The following UNC119B variants were observed in gnomAD, a reference collection of about 807,000 sequenced individuals.
UNC119B encodes the protein unc-119 lipid binding chaperone B, also known as protein unc-119 homolog B.
A neutral mutation model predicts 23.4 loss-of-function variants in UNC119B; 16 were observed. The observed-to-expected ratio is 0.68, with a 90% CI of 0.46 to 1.04. The LOEUF (loss-of-function observed/expected upper bound fraction) is 1.04, where lower values mean the gene tolerates loss of function less well. Among genes scored for constraint, UNC119B ranks in the 50% least tolerant of loss-of-function variants. UNC119B has a pLI of 0.00. For synonymous variants in UNC119B, 144 were observed against 145.4 expected, an observed-to-expected ratio of 0.99 and a Z score of 0.07; for missense variants, 350 against 361.3, an observed-to-expected ratio of 0.97 and a Z score of 0.25.
At chr12:120,715,018 A>G (rs965462460) in intron 2 of UNC119B, among the ~76,000 whole-genome samples, 2 of 152,042 alleles carry the variant, frequency 1.3e-5, no homozygotes, top group Non-Finnish European at 2.9e-5. Flanking sequence ...GCAAAACCCC[A>G]TCTGTACAAA....
In UNC119B at chr12:120,712,243, C is replaced by T. The variant is rs150974758; in HGVS notation, c.245-1031C>T. On this transcript the variant is annotated intron_variant, in intron 1 of 4. Transcript: ENST00000344651. ...TTCTTAACGTCTCGTTCATTCTATC[C>T]AGCAGATTATTTGAGTACCCTCTAA... 2.3e-4 allele frequency among the ~76,000 whole-genome samples: 35 copies of T among 152,326 alleles called. No homozygotes were observed. The East Asian group carries it at 6.7e-3, about 29-fold the overall frequency.
Position 120,720,217 on chromosome 12 carries a change from T to C in UNC119B, c.*185T>C, listed in dbSNP as rs1393494729. Reference sequence around the variant, plus strand: ...CAGTGCTGTGTTTTCTTCCCCAGTATTTTTTCTTCCCTTTTTTTCCTGCCC... The same window carrying C: ...CAGTGCTGTGTTTTCTTCCCCAGTACTTTTTCTTCCCTTTTTTTCCTGCCC... On this transcript the variant is annotated 3_prime_UTR_variant, in exon 5 of 5. Transcript: ENST00000344651. 5.2e-6 allele frequency: 3 copies of C among 577,430 alleles called. No homozygotes were observed. The highest frequency in any genetic ancestry group is 9.2e-6 in the Non-Finnish European group (3 of 327,658). The allele number at this position is 577,430 out of a possible 1,614,324, so 35.8% of individuals were successfully genotyped here.
intron 1 of UNC119B, chr12:120,711,798 G>T (rs567278072): frequency 1.3e-5 from 2 of 152,224 alleles, no homozygotes; most frequent in African/African-American, 4.8e-5. Flanking sequence ...TGGAAATTTG[G>T]GGGGAGTAGG....
intron 4 of UNC119B, 92 bp downstream of exon 4, chr12:120,717,134 T>C: frequency 7.5e-7 from 1 of 1,330,146 alleles, no homozygotes; most frequent in Non-Finnish European, 1.0e-6. Context: ...CCTGGCATTG[T>C]CTCGTGGCAG....
intron 4 of UNC119B, among the ~76,000 whole-genome samples, chr12:120,717,823 A>G (rs1882813389): frequency 6.7e-6 from 1 of 149,980 alleles, no homozygotes; most frequent in South Asian, 2.1e-4. Context: ...CATCCTCCCA[A>G]AGTACTGGGG....
chr12:120,710,734 G>A lies in UNC119B; in HGVS notation c.244+16G>A, dbSNP rs1300209324. 4 of 1,343,790 alleles carry A rather than the reference G, an allele frequency of 3.0e-6. No individual in the cohort carries two copies. Among genetic ancestry groups the A allele is most frequent in the South Asian group, 3.6e-5 (2 of 55,112 alleles). 83.2% of individuals were successfully genotyped at this position (1,343,790 alleles called of 1,614,324 possible). A position where few individuals can be genotyped will look rare whatever the true frequency, so the allele number is the denominator to read the frequency against. ...GTCACCGAGAGTGAGTGCCGCGCGG[G>A]CCGCGCCCTCCCCTCGCGCCGTGCC... is the stretch of plus-strand genomic sequence containing the variant. On this transcript the variant is annotated intron_variant, in intron 1 of 4. Coordinates refer to ENST00000344651, the MANE Select transcript of UNC119B (RefSeq NM_001080533.3).
At chr12:120,710,967 G>C in intron 1 of UNC119B, 1 of 323,918 alleles carries the variant, frequency 3.1e-6, no homozygotes, top group Non-Finnish European at 5.5e-6. Flanking sequence ...CCTTCGGCCG[G>C]TCGGCTCCCC....
At position 120,713,321 on chromosome 12, in the gene UNC119B, C is replaced by T. The variant is rs1022274401; in HGVS notation, c.292C>T (p.Arg98Cys). ...EDNIYSIDFTRFKIRDLETGT... is the reference protein window; with the variant it reads ...EDNIYSIDFTCFKIRDLETGT... ...CAACATCTACAGTATTGATTTCACCCGCTTCAAAATTCGAGATTTGGAGAC... is the reference window on the plus strand; with the variant it reads ...CAACATCTACAGTATTGATTTCACCTGCTTCAAAATTCGAGATTTGGAGAC... Residue 98 changes from arginine (R) to cysteine (C), a missense_variant, in exon 2 of 5, where the codon CGC (arginine) becomes TGC (cysteine). Transcript: ENST00000344651. 7 of 1,613,944 alleles carry T rather than the reference C, an allele frequency of 4.3e-6. No individual in the cohort carries two copies. Among genetic ancestry groups the T allele is most frequent in the African/African-American group, 1.3e-5 (1 of 74,930 alleles).
chr12:120,720,217 T>G lies in UNC119B; in HGVS notation c.*185T>G. On this transcript the variant is annotated 3_prime_UTR_variant, in exon 5 of 5. Transcript: ENST00000344651. ...CAGTGCTGTGTTTTCTTCCCCAGTA[T>G]TTTTTCTTCCCTTTTTTTCCTGCCC... 1.7e-6 allele frequency: 1 copy of G among 577,548 alleles called. No homozygotes were observed. The highest frequency in any genetic ancestry group is 2.2e-5 in the South Asian group (1 of 45,834). The allele number at this position is 577,548 out of a possible 1,614,324, so 35.8% of individuals were successfully genotyped here. A position where few individuals can be genotyped will look rare whatever the true frequency, so the allele number is the denominator to read the frequency against.
chr12:120,718,806 A>C (rs1026471450), intron 4 of UNC119B, among the ~76,000 whole-genome samples: 2 of 152,182 alleles, frequency 1.3e-5, no homozygotes, highest in African/African-American at 4.8e-5. Flanking sequence ...GTCCTTAAGA[A>C]TTGTCATATT....
In UNC119B at chr12:120,716,751, T is replaced by C. The variant is rs1343291216; in HGVS notation, c.470+12T>C. ...ACAGTCGGGGCTACGTGAGTACCATTACTACCTGAGGGGAGAACATTCTGT... is the reference window on the plus strand; with the variant it reads ...ACAGTCGGGGCTACGTGAGTACCATCACTACCTGAGGGGAGAACATTCTGT... On this transcript the variant is annotated intron_variant, in intron 3 of 4. Transcript: ENST00000344651. 5 of 1,613,086 alleles carry C rather than the reference T, an allele frequency of 3.1e-6. No individual in the cohort carries two copies. In the South Asian group the frequency reaches 4.4e-5, roughly 14 times the overall value.
chr12:120,715,916 C>T (rs1882771302), intron 2 of UNC119B, among the ~76,000 whole-genome samples: 1 of 152,188 alleles, frequency 6.6e-6, no homozygotes, highest in Admixed American at 6.5e-5. Flanking sequence ...GTAGAGGCCA[C>T]CACATCTGCT....
At position 120,719,999 on chromosome 12, in the gene UNC119B, C is replaced by T; in HGVS notation, c.723C>T (p.Asn241=). Residue 241 remains asparagine (N), a synonymous_variant, in exon 5 of 5, where the codon AAC becomes AAT. Coordinates refer to ENST00000344651, the MANE Select transcript of UNC119B (RefSeq NM_001080533.3). ...TTGACAACAAGCTGATAATGCACAA[C>T]AAGGCTGATTATGCCTATAATGGAG... is the stretch of plus-strand genomic sequence containing the variant. The part of the protein sequence containing the change: ...YFVDNKLIMH[N]KADYAYNGGQ 2 of 1,614,154 alleles carry T rather than the reference C, an allele frequency of 1.2e-6. No homozygotes were observed. The highest frequency in any genetic ancestry group is 1.1e-5 in the South Asian group (1 of 91,076).
At position 120,711,024 on chromosome 12, in the gene UNC119B, G is replaced by A. The variant is rs542862925; in HGVS notation, c.244+306G>A. The A allele has an allele frequency of 3.2e-4, 77 of 242,624 alleles. No individual in the cohort carries two copies. The Middle Eastern group carries it at 7.3e-3, about 23-fold the overall frequency. 15.0% of individuals were successfully genotyped at this position (242,624 alleles called of 1,614,324 possible). On this transcript the variant is annotated intron_variant, in intron 1 of 4. Transcript: ENST00000344651. ...GTAGAGGGCCCCGTTCAGCTGAACT[G>A]GATCCTCCTGAGCCGGCCGGGGGCC...
At chr12:120,713,650 G>A (rs1882714715) in intron 2 of UNC119B, among the ~76,000 whole-genome samples, 1 of 152,166 alleles carries the variant, frequency 6.6e-6, no homozygotes, top group African/African-American at 2.4e-5. Context: ...ACCTCTTTGA[G>A]GAATTACTGT....
At position 120,713,257 on chromosome 12, in the gene UNC119B, C is replaced by T; in HGVS notation, c.245-17C>T. On this transcript the variant is annotated splice_polypyrimidine_tract_variant and intron_variant, in intron 1 of 4. Coordinates refer to ENST00000344651, the MANE Select transcript of UNC119B (RefSeq NM_001080533.3). ...GAGGATTATTTAACAGTGTTGGTTT[C>T]TCTCTCTTGTTTTCAGATTATTTAT... The T allele has an allele frequency of 7.6e-7, 1 of 1,318,170 alleles. No homozygotes were observed. The highest frequency in any genetic ancestry group is 1.1e-6 in the Non-Finnish European group (1 of 932,818). 81.7% of individuals were successfully genotyped at this position (1,318,170 alleles called of 1,614,324 possible). A position where few individuals can be genotyped will look rare whatever the true frequency, so the allele number is the denominator to read the frequency against.
intron 4 of UNC119B, among the ~76,000 whole-genome samples, 182 bp from the exon 5 acceptor site, chr12:120,719,738 G>A (rs1882849653): frequency 6.6e-6 from 1 of 152,162 alleles, no homozygotes. Context: ...GGGGGCCTCT[G>A]TGGTCTCCCC....
rs556935156 is a variant in UNC119B at position 120,713,380 on chromosome 12, C to A, written c.351C>A (p.Cys117Ter). 6.2e-7 allele frequency: 1 copy of A among 1,613,010 alleles called. No homozygotes were observed. The highest frequency in any genetic ancestry group is 1.7e-5 in the Admixed American group (1 of 59,910). The change falls in exon 2 of 5, where the codon TGC becomes TGA. Residue 117 changes from cysteine (C) to a stop codon, truncating the protein, a stop_gained. Transcript: ENST00000344651. LOFTEE classifies it high-confidence loss of function. ...TACTTTTTGAGATTGCCAAACCTTG[C>A]GTTTCAGGTAGGCCTCTACGTTGTG... The part of the protein sequence containing the change: ...GTVLFEIAKP[C>*]VSDQEEDEEE...
rs1332552389 is a variant in UNC119B at position 120,722,502 on chromosome 12, A to T, written c.*2470A>T. 1 of 152,234 alleles carries T rather than the reference A, an allele frequency of 6.6e-6. No individual in the cohort carries two copies. The highest frequency in any genetic ancestry group is 1.5e-5 in the Non-Finnish European group (1 of 68,036). 9.4% of individuals were successfully genotyped at this position (152,234 alleles called of 1,614,324 possible). On this transcript the variant is annotated 3_prime_UTR_variant, in exon 5 of 5. Transcript: ENST00000344651. ...ACAGAACCATTCAGGCTGCCATGTT[A>T]TTAAGGAATCTGAACTGTTGATAGC...
Sources: allele counts gnomAD v4.1 joint callset (sites outside exome capture counted in the v4.1 genomes callset), GRCh38; gene constraint gnomAD v4.1.1; transcripts MANE v1.5; gene names NCBI Gene and HGNC (gene_info 2026-07-23, HGNC 2026-07-21).